The following ARMH3 variants were observed in gnomAD, a reference collection of about 807,000 sequenced individuals.
The protein encoded by ARMH3 is armadillo-like helical domain-containing protein 3.
A neutral mutation model predicts 99.1 loss-of-function variants in ARMH3; 60 were observed. The observed-to-expected ratio is 0.61, with a 90% CI of 0.49 to 0.75. The LOEUF is 0.75. Among genes scored for constraint, ARMH3 ranks in the 30% least tolerant of loss-of-function variants. The pLI is 0.00. For missense variants in ARMH3, 679 were observed against 843.1 expected (o/e 0.81, Z 2.41); for synonymous variants, 285 against 292.8 (o/e 0.97, Z 0.27).
chr10:102,031,914 A>G (rs1213514394), intron 4 of ARMH3, among the ~76,000 whole-genome samples: 2 of 151,860 alleles, frequency 1.3e-5, no homozygotes, highest in Non-Finnish European at 2.9e-5. Context: ...AATTTTTTGT[A>G]TTTTTAGTAG....
At chr10:102,012,940 T>C in intron 9 of ARMH3, 64 bp from the exon 10 acceptor site, 3 of 1,412,274 alleles carry the variant, frequency 2.1e-6, no homozygotes, top group Non-Finnish European at 2.9e-6. Flanking sequence ...GTGATGATGC[T>C]AGAACAAGGT....
intron 24 of ARMH3, among the ~76,000 whole-genome samples, chr10:101,886,500 ACT>A (rs2067548275): frequency 6.6e-6 from 1 of 152,020 alleles, no homozygotes; most frequent in South Asian, 2.1e-4. Context: ...ACAGAGTGAG[ACT>A]CTGTCTCAAA....
chr10:101,965,310 A>T lies in ARMH3; in HGVS notation c.1496-7578T>A, dbSNP rs541658477. On this transcript the variant is annotated intron_variant, in intron 20 of 25. Transcript: ENST00000370033. ...AACTGACTGGCTGACATTCACGTCAAAGTACACCATACTAAGTACAGGGAC... is the reference window on the plus strand; with the variant it reads ...AACTGACTGGCTGACATTCACGTCATAGTACACCATACTAAGTACAGGGAC... Among the ~76,000 whole-genome samples the T allele has an allele frequency of 9.2e-5, 14 of 152,326 alleles. No homozygotes were observed. In the East Asian group the frequency reaches 1.5e-3, roughly 17 times the overall value.
intron 19 of ARMH3, among the ~76,000 whole-genome samples, chr10:101,982,183 C>T (rs1326946496): frequency 6.6e-6 from 1 of 151,636 alleles, no homozygotes; most frequent in East Asian, 1.9e-4. Flanking sequence ...GAGTTTGACA[C>T]CAACCTAGTC....
chr10:101,998,455 T>C (rs1276902009), intron 15 of ARMH3, among the ~76,000 whole-genome samples: 1 of 152,210 alleles, frequency 6.6e-6, no homozygotes, highest in Non-Finnish European at 1.5e-5. Context: ...ATCTCATCCC[T>C]GATATAGCTC....
At chr10:102,015,008 T>C (rs1242923053) in intron 8 of ARMH3, among the ~76,000 whole-genome samples, 1 of 152,170 alleles carries the variant, frequency 6.6e-6, no homozygotes, top group Non-Finnish European at 1.5e-5. Context: ...CACAGACCTA[T>C]TTAACCAAGC....
intron 8 of ARMH3, among the ~76,000 whole-genome samples, chr10:102,018,016 C>A (rs931185655): frequency 1.3e-5 from 2 of 152,076 alleles, no homozygotes; most frequent in South Asian, 2.1e-4. Flanking sequence ...AAAGAAAATT[C>A]TCTCTCCAGC....
intron 4 of ARMH3, 68 bp from the exon 5 acceptor site, chr10:102,029,813 C>A: frequency 7.0e-7 from 1 of 1,425,062 alleles, no homozygotes; most frequent in African/African-American, 1.4e-5. Context: ...CACATTGCAG[C>A]CTCATCCTTA....
At position 101,975,049 on chromosome 10, in the gene ARMH3, T is replaced by TAAAAAAAAA. The variant is rs11399489; in HGVS notation, c.1495+154_1495+162dup. On this transcript the variant is annotated intron_variant, in intron 20 of 25. Transcript: ENST00000370033. ...TCTGGATTCGAAAAAAGCTAAAACG[T>TAAAAAAAAA]AAAAAAAAAAAAAAAAAAAAAAAAA... is the stretch of plus-strand genomic sequence containing the variant. 9.0e-3 allele frequency among the ~76,000 whole-genome samples: 264 copies of TAAAAAAAAA among 29,344 alleles called. 1 individual carries two copies. The highest frequency in any genetic ancestry group is 0.05 in the Middle Eastern group (1 of 20). 19.3% of individuals were successfully genotyped at this position (29,344 alleles called of 152,430 possible). A position where few individuals can be genotyped will look rare whatever the true frequency, so the allele number is the denominator to read the frequency against.
chr10:102,004,704 T>C (rs1423455907), intron 14 of ARMH3, among the ~76,000 whole-genome samples: 3 of 152,192 alleles, frequency 2.0e-5, no homozygotes, highest in African/African-American at 7.2e-5. Flanking sequence ...GTACTGTATT[T>C]CCATTGGGTT....
intron 1 of ARMH3, among the ~76,000 whole-genome samples, chr10:102,053,860 A>G (rs1449075988): frequency 6.6e-6 from 1 of 151,694 alleles, no homozygotes; most frequent in Non-Finnish European, 1.5e-5. Context: ...GGGTTTCACC[A>G]TGTTAGCCAG....
intron 23 of ARMH3, among the ~76,000 whole-genome samples, chr10:101,907,313 T>A (rs912463033): frequency 1.3e-5 from 2 of 152,150 alleles, no homozygotes; most frequent in African/African-American, 4.8e-5. Flanking sequence ...TATATCTTCA[T>A]TTTCTTCCTA....
At chr10:101,875,052 C>T (rs1019773370) in intron 24 of ARMH3, among the ~76,000 whole-genome samples, 4 of 152,176 alleles carry the variant, frequency 2.6e-5, no homozygotes, top group African/African-American at 7.2e-5. Context: ...TACTTCTGTA[C>T]TTCTGCATGG....
chr10:102,039,791 G>C (rs1341277523), intron 2 of ARMH3, among the ~76,000 whole-genome samples: 2 of 152,076 alleles, frequency 1.3e-5, no homozygotes, highest in Non-Finnish European at 2.9e-5. Context: ...CTGGCTCATG[G>C]CAACAACCTA....
rs778900702 is a variant in ARMH3 at position 101,939,880 on chromosome 10, A to G, written c.1764T>C (p.His588=). ...TTCCTTACCTGATATTAACCAATGCATGGGTCACCTTGCTAGCTGCTTCCT... is the reference window on the plus strand; with the variant it reads ...TTCCTTACCTGATATTAACCAATGCGTGGGTCACCTTGCTAGCTGCTTCCT... ...QWKEAASKVT[H]ALVNIRAIIN... The change falls in exon 23 of 26, where the codon CAT becomes CAC. Residue 588 remains histidine, a synonymous_variant. Coordinates refer to ENST00000370033, the MANE Select transcript of ARMH3 (RefSeq NM_024541.3). 25 of 1,613,664 alleles carry G rather than the reference A, an allele frequency of 1.5e-5. No individual in the cohort carries two copies. The highest frequency in any genetic ancestry group is 1.9e-5 in the Non-Finnish European group (23 of 1,179,946).
intron 4 of ARMH3, among the ~76,000 whole-genome samples, chr10:102,032,027 C>G (rs911389831): frequency 6.6e-6 from 1 of 152,140 alleles, no homozygotes; most frequent in South Asian, 2.1e-4. Flanking sequence ...CATGAGCCAC[C>G]GCGCCCAGCC....
intron 6 of ARMH3, among the ~76,000 whole-genome samples, chr10:102,024,341 C>T (rs995667546): frequency 1.3e-5 from 2 of 151,356 alleles, no homozygotes; most frequent in Admixed American, 6.6e-5. Context: ...CCCAGCTACT[C>T]GGGAGGCTGA....
In ARMH3 at chr10:101,847,482, T is replaced by G. The variant is rs1564683202; in HGVS notation, c.*46A>C. 6.4e-7 allele frequency: 1 copy of G among 1,565,186 alleles called. No individual in the cohort carries two copies. The highest frequency in any genetic ancestry group is 2.2e-5 in the East Asian group (1 of 44,606). On this transcript the variant is annotated 3_prime_UTR_variant, in exon 26 of 26. Coordinates refer to ENST00000370033, the MANE Select transcript of ARMH3 (RefSeq NM_024541.3). ...CCCTCGCTCCCCCTCCAGCCCATGA[T>G]CCTCATGGGTAAGGGCAGTCAGAGG...
At chr10:102,006,769 C>T in intron 13 of ARMH3, 136 bp from the exon 14 acceptor site, 1 of 681,894 alleles carries the variant, frequency 1.5e-6, no homozygotes, top group Non-Finnish European at 2.4e-6. Flanking sequence ...GCTATGTTGT[C>T]CAAGCTGGTC....
Sources: allele counts gnomAD v4.1 joint callset (sites outside exome capture counted in the v4.1 genomes callset), GRCh38; gene constraint gnomAD v4.1.1; transcripts MANE v1.5; gene names NCBI Gene and HGNC (gene_info 2026-07-23, HGNC 2026-07-21).